The following DLGAP2 variants were observed in gnomAD, a reference collection of about 807,000 sequenced individuals.
The protein encoded by DLGAP2 is DLG associated protein 2.
Under a neutral mutation model 100.3 loss-of-function variants are expected in DLGAP2, and 26 were observed. The ratio of observed to expected loss-of-function variants is 0.26; its 90% CI spans 0.19 to 0.36. The LOEUF (loss-of-function observed/expected upper bound fraction) is 0.36, where lower values mean the gene tolerates loss of function less well. Among genes scored for constraint, DLGAP2 ranks in the 10% least tolerant of loss-of-function variants. The pLI, the probability that DLGAP2 is intolerant of heterozygous loss-of-function variation, is 1.00. For missense variants in DLGAP2, 1,858 were observed against 1,453.2 expected, an observed-to-expected ratio of 1.28 and a Z score of -4.53; for synonymous variants, 886 against 630.1, an observed-to-expected ratio of 1.41 and a Z score of -6.08.
intron 5 of DLGAP2, among the ~76,000 whole-genome samples, chr8:1,554,819 G>A (rs879841559): frequency 1.2e-4 from 18 of 149,172 alleles, no homozygotes; most frequent in Admixed American, 8.0e-4. Flanking sequence ...CACCAGTTCA[G>A]GAAGGCTGGC....
chr8:1,657,391 C>T (rs913017839), intron 8 of DLGAP2, among the ~76,000 whole-genome samples: 13 of 152,192 alleles, frequency 8.5e-5, no homozygotes, highest in Admixed American at 7.9e-4. Flanking sequence ...GCATGCTAGG[C>T]GTGCACTCAC....
chr8:753,273 C>T lies in DLGAP2; in HGVS notation c.18+15448C>T, dbSNP rs116525850. 6.0e-3 allele frequency among the ~76,000 whole-genome samples: 908 copies of T among 152,284 alleles called. 9 individuals carry two copies. Among genetic ancestry groups the T allele is most frequent in the African/African-American group, 0.021 (861 of 41,550 alleles). On this transcript the variant is annotated intron_variant, in intron 1 of 14. Transcript: ENST00000637795. ...TATCACGGAACACAAACTTTACAAA[C>T]GCGTCTTTGGAGGCTCACCAGTGCC...
At chr8:1,115,765 T>C (rs756129124) in intron 2 of DLGAP2, among the ~76,000 whole-genome samples, 2 of 152,178 alleles carry the variant, frequency 1.3e-5, no homozygotes, top group Non-Finnish European at 2.9e-5. Context: ...ACATCAGCGG[T>C]CAGCCACACT....
At chr8:1,414,500 A>G (rs1043336028) in intron 3 of DLGAP2, among the ~76,000 whole-genome samples, 8 of 152,194 alleles carry the variant, frequency 5.3e-5, no homozygotes, top group African/African-American at 1.9e-4. Flanking sequence ...TGCAGGGTCC[A>G]CACCAGAGCA....
intron 3 of DLGAP2, among the ~76,000 whole-genome samples, chr8:1,453,551 C>G (rs1180662737): frequency 1.3e-5 from 2 of 152,190 alleles, no homozygotes; most frequent in African/African-American, 2.4e-5. Flanking sequence ...GTGGATTATT[C>G]TTGAGTGCAG....
chr8:903,703 G>T (rs1052035281), intron 1 of DLGAP2, among the ~76,000 whole-genome samples: 1 of 152,108 alleles, frequency 6.6e-6, no homozygotes, highest in Non-Finnish European at 1.5e-5. Context: ...CCCGCACCCC[G>T]GTGATGTTAT....
At chr8:740,463 C>T (rs1820454592) in intron 1 of DLGAP2, 1 of 152,130 alleles carries the variant, frequency 6.6e-6, no homozygotes, top group Non-Finnish European at 1.5e-5. Flanking sequence ...CATTATTTCT[C>T]CCCAGTGACA....
intron 2 of DLGAP2, among the ~76,000 whole-genome samples, chr8:1,012,680 C>T (rs1338872002): frequency 1.5e-5 from 2 of 131,256 alleles, no homozygotes; most frequent in East Asian, 2.4e-4. Context: ...GTGTGGACAC[C>T]GTCCGACCAG....
rs548665452 is a variant in DLGAP2 at position 1,687,706 on chromosome 8, C to G, written c.2705-3829C>G. Among the ~76,000 whole-genome samples the G allele has an allele frequency of 6.8e-4, 104 of 152,260 alleles. 1 individual carries two copies. The highest frequency in any genetic ancestry group is 2.4e-3 in the African/African-American group (98 of 41,546). ...GTGTTAAAGAGTATAAATTGAAGTA[C>G]TTTGTATTAACAGTTCAGTTGAATT... is the stretch of plus-strand genomic sequence containing the variant. On this transcript the variant is annotated intron_variant, in intron 12 of 14. Transcript: ENST00000637795.
intron 1 of DLGAP2, among the ~76,000 whole-genome samples, chr8:762,151 C>T (rs1409333186): frequency 1.3e-5 from 2 of 152,110 alleles, no homozygotes; most frequent in Non-Finnish European, 2.9e-5. Flanking sequence ...TCTAGAAAAA[C>T]AAAACATAAT....
chr8:1,654,870 A>G (rs1410164637), intron 8 of DLGAP2, among the ~76,000 whole-genome samples: 1 of 152,130 alleles, frequency 6.6e-6, no homozygotes, highest in Non-Finnish European at 1.5e-5. Flanking sequence ...TGAACATTCA[A>G]AATTCTGTAC....
chr8:1,464,587 G>A (rs1378311174), intron 3 of DLGAP2, among the ~76,000 whole-genome samples: 3 of 151,874 alleles, frequency 2.0e-5, no homozygotes, highest in African/African-American at 7.3e-5. Flanking sequence ...TTCCAGGACA[G>A]CTCCCTTCCT....
chr8:1,206,827 C>T (rs570358650), intron 2 of DLGAP2, among the ~76,000 whole-genome samples: 3 of 152,330 alleles, frequency 2.0e-5, no homozygotes, highest in African/African-American at 7.2e-5. Context: ...ACGGGCCCCT[C>T]TTCTGTCGCT....
chr8:1,265,232 A>G (rs1487052155), intron 3 of DLGAP2, among the ~76,000 whole-genome samples: 1 of 152,230 alleles, frequency 6.6e-6, no homozygotes, highest in Non-Finnish European at 1.5e-5. Flanking sequence ...AACAGGAGCC[A>G]TAATGTAAGA....
intron 2 of DLGAP2, among the ~76,000 whole-genome samples, chr8:1,203,095 TC>T (rs1482057255): frequency 6.6e-6 from 1 of 151,320 alleles, no homozygotes; most frequent in Non-Finnish European, 1.5e-5. Context: ...CTTGGGTGTT[TC>T]TCTTAGGGTT....
At chr8:1,407,244 C>T (rs1216804170) in intron 3 of DLGAP2, among the ~76,000 whole-genome samples, 2 of 31,786 alleles carry the variant, frequency 6.3e-5, no homozygotes, top group African/African-American at 2.3e-4. Flanking sequence ...CCTTGTCCTC[C>T]GGAGTCGTGT....
At position 1,506,716 on chromosome 8, in the gene DLGAP2, G is replaced by A. The variant is rs554603800; in HGVS notation, c.172+5285G>A. 2.6e-5 allele frequency among the ~76,000 whole-genome samples: 4 copies of A among 152,294 alleles called. No individual in the cohort carries two copies. In the East Asian group the frequency reaches 7.7e-4, roughly 29 times the overall value. ...AGAGCTGATTGGTCTGTTTTACAAA[G>A]AGCTGATTGGTCTGTTTTGACAGGG... On this transcript the variant is annotated intron_variant, in intron 4 of 14. Coordinates refer to ENST00000637795, the MANE Select transcript of DLGAP2 (RefSeq NM_001346810.2).
chr8:742,347 G>A (rs1456923784), intron 1 of DLGAP2, among the ~76,000 whole-genome samples: 1 of 152,346 alleles, frequency 6.6e-6, no homozygotes, highest in South Asian at 2.1e-4. Context: ...AGTAACCTGT[G>A]AATCTGACTG....
intron 3 of DLGAP2, among the ~76,000 whole-genome samples, chr8:1,475,563 C>T (rs962869713): frequency 2.6e-5 from 4 of 152,154 alleles, no homozygotes; most frequent in Admixed American, 2.6e-4. Flanking sequence ...TGGGAGTAAA[C>T]GTCTTCCATA....
Sources: gnomAD v4.1 joint callset for allele counts (sites outside exome capture counted in the v4.1 genomes callset) on GRCh38, gnomAD v4.1.1 for gene constraint, MANE v1.5 for transcripts, NCBI Gene and HGNC (gene_info 2026-07-23, HGNC 2026-07-21) for gene names.